TPD52L1: variants seen among roughly 807,000 people sequenced by gnomAD.
TPD52L1 encodes tumor protein D53.
TPD52L1 carries 18 observed loss-of-function variants against 28.7 expected under a neutral mutation model. That is an observed-to-expected ratio of 0.63 (90% confidence interval 0.43 to 0.93). The LOEUF is 0.93. Ranked by LOEUF, TPD52L1 falls within the 40% of genes least tolerant of loss-of-function variation. The pLI is 0.00. For missense variants in TPD52L1, 203 were observed against 254.8 expected (o/e 0.80, Z 1.39); for synonymous variants, 75 against 88.8 (o/e 0.84, Z 0.88).
At chr6:125,185,230 G>A (rs866679125) in intron 1 of TPD52L1, among the ~76,000 whole-genome samples, 1 of 152,164 alleles carries the variant, frequency 6.6e-6, no homozygotes, top group South Asian at 2.1e-4. Flanking sequence ...ATATTTTAAT[G>A]AGTAGATAGT....
chr6:125,256,436 A>G (rs1797605421), intron 5 of TPD52L1, among the ~76,000 whole-genome samples: 1 of 152,238 alleles, frequency 6.6e-6, no homozygotes, highest in African/African-American at 2.4e-5. Flanking sequence ...AAAATAACGC[A>G]TGCTAATAAC....
At chr6:125,222,599 A>G (rs1201941528) in intron 2 of TPD52L1, among the ~76,000 whole-genome samples, 21 of 152,206 alleles carry the variant, frequency 1.4e-4, no homozygotes, top group Non-Finnish European at 4.4e-5. Flanking sequence ...TGTGAAATAA[A>G]TAATTCAAAA....
intron 1 of TPD52L1, chr6:125,154,242 A>G: frequency 7.9e-7 from 1 of 1,258,900 alleles, no homozygotes; most frequent in Non-Finnish European, 1.0e-6. Flanking sequence ...CCTCTTCCGC[A>G]GCCAGTCGCC....
chr6:125,252,734 G>T (rs1293608040), intron 4 of TPD52L1: 1 of 152,124 alleles, frequency 6.6e-6, no homozygotes, highest in Non-Finnish European at 1.5e-5. Flanking sequence ...AATTTCTGAG[G>T]AAATATCTGC....
At chr6:125,253,309 A>C (rs1039591370) in intron 4 of TPD52L1, 6 of 196,140 alleles carry the variant, frequency 3.1e-5, no homozygotes, top group Middle Eastern at 2.3e-3. Flanking sequence ...TGGAATGATT[A>C]GCTTCTACCT....
intron 2 of TPD52L1, among the ~76,000 whole-genome samples, chr6:125,225,619 A>G (rs571550505): frequency 6.6e-6 from 1 of 152,342 alleles, no homozygotes; most frequent in African/African-American, 2.4e-5. Context: ...CAAGAAACCA[A>G]AGAACTAGAC....
intron 1 of TPD52L1, among the ~76,000 whole-genome samples, chr6:125,169,709 C>A (rs60718770): frequency 6.6e-6 from 1 of 152,180 alleles, no homozygotes; most frequent in South Asian, 2.1e-4. Context: ...ACTGCAGGAG[C>A]CTCCTAGCAG....
intron 4 of TPD52L1, 53 bp from the exon 5 acceptor site, chr6:125,253,664 G>T: frequency 6.6e-7 from 1 of 1,519,846 alleles, no homozygotes. Context: ...ATGTACTTAT[G>T]TGTGCTCTCT....
intron 3 of TPD52L1, among the ~76,000 whole-genome samples, chr6:125,230,067 C>A (rs1795853629): frequency 1.3e-5 from 2 of 152,018 alleles, no homozygotes; most frequent in African/African-American, 4.8e-5. Context: ...AGCCTGGCGA[C>A]AGAGGGAGAC....
chr6:125,198,088 G>A, intron 1 of TPD52L1, among the ~76,000 whole-genome samples: 1 of 152,204 alleles, frequency 6.6e-6, no homozygotes, highest in Middle Eastern at 3.2e-3. Flanking sequence ...AGGGCACTCT[G>A]GCTGATCTGA....
chr6:125,186,507 A>T (rs1296700336), intron 1 of TPD52L1, among the ~76,000 whole-genome samples: 1 of 152,212 alleles, frequency 6.6e-6, no homozygotes, highest in Admixed American at 6.5e-5. Flanking sequence ...GAATAGATGA[A>T]TTAATATTAT....
chr6:125,170,959 T>C (rs1791262767), intron 1 of TPD52L1, among the ~76,000 whole-genome samples: 1 of 152,090 alleles, frequency 6.6e-6, no homozygotes, highest in Admixed American at 6.5e-5. Flanking sequence ...CCATGAGCCT[T>C]TCGTGGGTAG....
intron 1 of TPD52L1, among the ~76,000 whole-genome samples, chr6:125,204,218 A>G (rs1043919056): frequency 6.6e-6 from 1 of 152,186 alleles, no homozygotes; most frequent in Admixed American, 6.5e-5. Context: ...CTGAGCATAT[A>G]AAGGTATAAA....
At chr6:125,243,556 G>T (rs1423723398) in intron 3 of TPD52L1, among the ~76,000 whole-genome samples, 2 of 151,864 alleles carry the variant, frequency 1.3e-5, no homozygotes, top group Non-Finnish European at 2.9e-5. Flanking sequence ...TTTGACCTCT[G>T]AAGTTTTTTT....
intron 3 of TPD52L1, among the ~76,000 whole-genome samples, chr6:125,231,787 A>G (rs1795969352): frequency 6.6e-6 from 1 of 152,042 alleles, no homozygotes; most frequent in Admixed American, 6.6e-5. Context: ...GAGTGTTGGA[A>G]CTGTTTACGA....
At chr6:125,216,492 TAAAC>T (rs1794883588) in intron 1 of TPD52L1, among the ~76,000 whole-genome samples, 1 of 142,182 alleles carries the variant, frequency 7.0e-6, no homozygotes, top group Non-Finnish European at 1.5e-5. Flanking sequence ...ATTGAATAAA[TAAAC>T]CAAGTTTGCA....
intron 1 of TPD52L1, among the ~76,000 whole-genome samples, chr6:125,159,163 C>G (rs1362515525): frequency 6.6e-6 from 1 of 152,170 alleles, no homozygotes; most frequent in Non-Finnish European, 1.5e-5. Context: ...TTATATATAG[C>G]CTGTAATGCT....
chr6:125,184,049 A>C (rs62432189), intron 1 of TPD52L1, among the ~76,000 whole-genome samples: 13,552 of 152,240 alleles, frequency 0.089, 720 homozygotes, highest in Middle Eastern at 0.14. Flanking sequence ...ATTTTAAACA[A>C]GAAGGAATTT....
chr6:125,177,460 G>A (rs1471349869), intron 1 of TPD52L1, among the ~76,000 whole-genome samples: 2 of 152,134 alleles, frequency 1.3e-5, no homozygotes, highest in African/African-American at 4.8e-5. Context: ...CTTAATGAAT[G>A]TTCTAATACA....
Sources: gnomAD v4.1 joint callset for allele counts (sites outside exome capture counted in the v4.1 genomes callset) on GRCh38, gnomAD v4.1.1 for gene constraint, MANE v1.5 for transcripts, NCBI Gene and HGNC (gene_info 2026-07-23, HGNC 2026-07-21) for gene names.